Variants in DYNLT2 observed in about 807,000 individuals in gnomAD.
The protein encoded by DYNLT2 is dynein light chain Tctex-type 2.
A neutral mutation model predicts 24.3 loss-of-function variants in DYNLT2; 24 were observed. The ratio of observed to expected loss-of-function variants is 0.99; its 90% CI spans 0.71 to 1.39. The LOEUF is 1.39. DYNLT2 is among the 40% of genes most tolerant of loss of function. DYNLT2 has a pLI of 0.00. For missense variants in DYNLT2, 246 were observed against 234.5 expected, an observed-to-expected ratio of 1.05 and a Z score of -0.32; for synonymous variants, 85 against 85.4, an observed-to-expected ratio of 1.00 and a Z score of 0.03.
chr6:169,727,378 C>G, the DYNLT2 span, among the ~76,000 whole-genome samples: 7 of 151,950 alleles, frequency 4.6e-5, no homozygotes, highest in Non-Finnish European at 8.8e-5. Flanking sequence ...AGTAGGAAGG[C>G]AGAAAACCAT....
chr6:169,747,567 T>C (rs1169233613), intron 1 of DYNLT2, among the ~76,000 whole-genome samples: 1 of 151,480 alleles, frequency 6.6e-6, no homozygotes, highest in Non-Finnish European at 1.5e-5. Flanking sequence ...TAATACCATT[T>C]AGTGTATTTT....
chr6:169,742,522 A>C (rs1789700602), intron 3 of DYNLT2, among the ~76,000 whole-genome samples: 1 of 152,244 alleles, frequency 6.6e-6, no homozygotes, highest in South Asian at 2.1e-4. Flanking sequence ...AAATGACATT[A>C]AACTGTCAAA....
At position 169,740,810 on chromosome 6, in the gene DYNLT2, A is replaced by T. The variant is rs555673657; in HGVS notation, c.487-515T>A. On this transcript the variant is annotated intron_variant, in intron 3 of 3. Transcript: ENST00000366774. ...TTGTGGAGGATCTAAAATGGCCCCAATTTTTTTTTTTTTTTGAGACATAGT... is the reference window on the plus strand; with the variant it reads ...TTGTGGAGGATCTAAAATGGCCCCATTTTTTTTTTTTTTTTGAGACATAGT... 1.4e-4 allele frequency among the ~76,000 whole-genome samples: 20 copies of T among 144,336 alleles called. No homozygotes were observed. In the East Asian group the frequency reaches 2.8e-3, roughly 20 times the overall value. 94.7% of individuals were successfully genotyped at this position (144,336 alleles called of 152,430 possible).
At chr6:169,749,344 A>G (rs1789889400) in intron 1 of DYNLT2, among the ~76,000 whole-genome samples, 1 of 152,220 alleles carries the variant, frequency 6.6e-6, no homozygotes, top group African/African-American at 2.4e-5. Context: ...CAGGTGATCC[A>G]TCCGCCTTGG....
the DYNLT2 span, among the ~76,000 whole-genome samples, chr6:169,726,613 CTT>C: frequency 1.3e-5 from 2 of 152,182 alleles, no homozygotes; most frequent in African/African-American, 4.8e-5. Flanking sequence ...CAAGTTAAGA[CTT>C]TGGTTTAAAT....
chr6:169,748,105 T>G (rs1459661318), intron 1 of DYNLT2, among the ~76,000 whole-genome samples: 4 of 152,224 alleles, frequency 2.6e-5, no homozygotes, highest in Admixed American at 2.0e-4. Flanking sequence ...GGATTTTTTT[T>G]CTGTTCCTTT....
the DYNLT2 span, among the ~76,000 whole-genome samples, chr6:169,729,588 C>T: frequency 6.6e-6 from 1 of 152,142 alleles, no homozygotes; most frequent in Non-Finnish European, 1.5e-5. Context: ...GTGATATCTG[C>T]TATGGACTGA....
the DYNLT2 span, among the ~76,000 whole-genome samples, chr6:169,730,616 C>T: frequency 2.4e-4 from 37 of 152,256 alleles, no homozygotes; most frequent in African/African-American, 8.7e-4. Context: ...AAGTTCCGGC[C>T]GGGCGCGGTG....
rs1054435703 is a variant in DYNLT2, at chr6:169,743,132, T to C, written c.434A>G (p.Tyr145Cys). The C allele has an allele frequency of 1.3e-6, 2 of 1,580,466 alleles. No individual in the cohort carries two copies. The highest frequency in any genetic ancestry group is 1.3e-5 in the African/African-American group (1 of 74,482). ...LAVKEFGYHRYKFIIKVLFIQ... is the reference protein window; with the variant it reads ...LAVKEFGYHRCKFIIKVLFIQ... ...AAATAATACTTTTATAATGAACTTA[T>C]AACGGTGGTACCCAAATTCTTTGAC... The change falls in exon 3 of 4, where the codon TAT (tyrosine) becomes TGT (cysteine). Residue 145 changes from tyrosine (Y) to cysteine (C), a missense_variant. Physicochemically the swap from Tyr to Cys is radical, Grantham distance 194. Coordinates refer to ENST00000366774, the MANE Select transcript of DYNLT2 (RefSeq NM_174910.3).
At chr6:169,749,803 G>C (rs1375658605) in intron 1 of DYNLT2, 1 of 152,136 alleles carries the variant, frequency 6.6e-6, no homozygotes, top group Non-Finnish European at 1.5e-5. Flanking sequence ...TAGAAAAAAA[G>C]AAATGGAGGC....
downstream of DYNLT2, among the ~76,000 whole-genome samples, chr6:169,739,923 A>G (rs1298528224): frequency 6.6e-6 from 1 of 152,188 alleles, no homozygotes; most frequent in Admixed American, 6.5e-5. Flanking sequence ...AAGAATTTGT[A>G]TATACATACA....
chr6:169,733,912 C>T, the DYNLT2 span, among the ~76,000 whole-genome samples: 1 of 152,184 alleles, frequency 6.6e-6, no homozygotes, highest in African/African-American at 2.4e-5. Flanking sequence ...TTCTTCCTAT[C>T]CCTGAGGATG....
the DYNLT2 span, among the ~76,000 whole-genome samples, chr6:169,727,192 T>G: frequency 6.6e-6 from 1 of 152,138 alleles, no homozygotes; most frequent in East Asian, 1.9e-4. Flanking sequence ...AGAAACTAAA[T>G]TAAAGCAGAT....
rs540946430 is a variant in DYNLT2 at position 169,744,540 on chromosome 6, A to G, written c.121-266T>C. ...ACATACAAATTGCATGCATATATTT[A>G]GAATATCCATGGATGATCCAAAGGA... On this transcript the variant is annotated intron_variant, in intron 1 of 3. Transcript: ENST00000366774. Among the ~76,000 whole-genome samples the G allele has an allele frequency of 2.0e-5, 3 of 152,320 alleles. No individual in the cohort carries two copies. In the South Asian group the frequency reaches 6.2e-4, roughly 32 times the overall value.
chr6:169,747,929 G>A (rs974268836), intron 1 of DYNLT2, among the ~76,000 whole-genome samples: 1 of 152,114 alleles, frequency 6.6e-6, no homozygotes, highest in South Asian at 2.1e-4. Flanking sequence ...AAGACATTTG[G>A]AAACAGTTTA....
chr6:169,728,064 C>T, the DYNLT2 span, among the ~76,000 whole-genome samples: 4 of 152,260 alleles, frequency 2.6e-5, no homozygotes, highest in Admixed American at 6.5e-5. Context: ...TGAAACTACT[C>T]GGTCTGGCTT....
At chr6:169,727,665 G>A in the DYNLT2 span, among the ~76,000 whole-genome samples, 7 of 151,994 alleles carry the variant, frequency 4.6e-5, no homozygotes, top group Admixed American at 6.6e-5. Context: ...CTGGGTTCAC[G>A]CCATTCTCCT....
Position 169,751,518 on chromosome 6 carries a change from T to C in DYNLT2, c.-60A>G. On this transcript the variant is annotated 5_prime_UTR_variant, in exon 1 of 4. Coordinates refer to ENST00000366774, the MANE Select transcript of DYNLT2 (RefSeq NM_174910.3). ...CTTCACCGCCGGCGGTCAAACGCCC[T>C]AGCCAGTCCCGCGAGGGCGGAAGTC... The C allele has an allele frequency of 1.9e-6, 3 of 1,610,692 alleles. No individual in the cohort carries two copies. The highest frequency in any genetic ancestry group is 2.5e-6 in the Non-Finnish European group (3 of 1,178,706).
chr6:169,746,147 G>A (rs984067740), intron 1 of DYNLT2, among the ~76,000 whole-genome samples: 1 of 152,070 alleles, frequency 6.6e-6, no homozygotes, highest in Admixed American at 6.6e-5. Flanking sequence ...TTAGTAATGT[G>A]TGTCCTCTCT....
Sources: gnomAD v4.1 joint callset for allele counts (sites outside exome capture counted in the v4.1 genomes callset) on GRCh38, gnomAD v4.1.1 for gene constraint, MANE v1.5 for transcripts, NCBI Gene and HGNC (gene_info 2026-07-23, HGNC 2026-07-21) for gene names.